Variants in PRCP observed in about 807,000 individuals in gnomAD.
PRCP encodes lysosomal Pro-X carboxypeptidase.
Under a neutral mutation model 54.2 loss-of-function variants are expected in PRCP, and 46 were observed. That is an observed-to-expected ratio of 0.85 (90% CI 0.67 to 1.09). The LOEUF (loss-of-function observed/expected upper bound fraction) is 1.09, where lower values mean the gene tolerates loss of function less well. Among genes scored for constraint, PRCP ranks in the 50% least tolerant of loss-of-function variants. PRCP has a pLI of 0.00. For missense variants in PRCP, 613 were observed against 596.8 expected, an observed-to-expected ratio of 1.03 and a Z score of -0.28; for synonymous variants, 240 against 212.2, an observed-to-expected ratio of 1.13 and a Z score of -1.14.
rs992152544 is a variant in PRCP, at chr11:82,900,220, C to G, written c.168+15G>C. The G allele has an allele frequency of 6.2e-7, 1 of 1,613,470 alleles. No individual in the cohort carries two copies. The highest frequency in any genetic ancestry group is 8.5e-7 in the Non-Finnish European group (1 of 1,179,700). Reference sequence around the variant, plus strand: ...CGGTTGGGCCTGGGACGGCGAAGCCCCCGCTCCCCCTTACCTTCTGTTGGA... The same window carrying G: ...CGGTTGGGCCTGGGACGGCGAAGCCGCCGCTCCCCCTTACCTTCTGTTGGA... On this transcript the variant is annotated intron_variant, in intron 1 of 8. Coordinates refer to ENST00000313010, the MANE Select transcript of PRCP (RefSeq NM_005040.4).
At chr11:82,869,132 G>A (rs1019440853) in intron 1 of PRCP, among the ~76,000 whole-genome samples, 2 of 151,514 alleles carry the variant, frequency 1.3e-5, no homozygotes, top group African/African-American at 4.9e-5. Flanking sequence ...AAGGTGGTAG[G>A]ATCACTTGAG....
chr11:82,897,162 C>T (rs746627617), intron 1 of PRCP, among the ~76,000 whole-genome samples: 1 of 152,182 alleles, frequency 6.6e-6, no homozygotes, highest in Non-Finnish European at 1.5e-5. Flanking sequence ...ATGTACTATC[C>T]TCTCTCTGGT....
chr11:82,829,908 A>G (rs1346495920), intron 8 of PRCP: 1 of 152,224 alleles, frequency 6.6e-6, no homozygotes, highest in African/African-American at 2.4e-5. Flanking sequence ...AGTTGATATA[A>G]ATGATTAATA....
At chr11:82,864,504 G>C (rs1859286014) in intron 1 of PRCP, among the ~76,000 whole-genome samples, 1 of 152,204 alleles carries the variant, frequency 6.6e-6, no homozygotes, top group Admixed American at 6.5e-5. Flanking sequence ...CGTCTGTGTT[G>C]CTCAACTGAA....
At chr11:82,867,705 G>A (rs1050606607) in intron 1 of PRCP, among the ~76,000 whole-genome samples, 3 of 152,034 alleles carry the variant, frequency 2.0e-5, no homozygotes, top group Non-Finnish European at 2.9e-5. Flanking sequence ...TAGTAAAGTC[G>A]GAAAGACCAT....
intron 1 of PRCP, among the ~76,000 whole-genome samples, chr11:82,895,509 G>C (rs1160965561): frequency 6.6e-6 from 1 of 152,118 alleles, no homozygotes; most frequent in Non-Finnish European, 1.5e-5. Flanking sequence ...GCTCTATCAA[G>C]TTTCTGACCC....
chr11:82,835,270 G>C (rs1192727072), intron 8 of PRCP, among the ~76,000 whole-genome samples: 1 of 152,104 alleles, frequency 6.6e-6, no homozygotes, highest in African/African-American at 2.4e-5. Flanking sequence ...TCTAATAAGA[G>C]GCCTTTTTTT....
chr11:82,860,052 G>A lies in PRCP; in HGVS notation c.234C>T (p.Tyr78=). 1 of 1,588,684 alleles carries A rather than the reference G, an allele frequency of 6.3e-7. No individual in the cohort carries two copies. The highest frequency in any genetic ancestry group is 8.6e-7 in the Non-Finnish European group (1 of 1,168,136). ...GTATTGATCCACCATTTTTCTTCCAGTATTTATCAGCTACTAGGTACCGCT... is the reference window on the plus strand; with the variant it reads ...GTATTGATCCACCATTTTTCTTCCAATATTTATCAGCTACTAGGTACCGCT... The part of the protein sequence containing the change: ...FNQRYLVADK[Y]WKKNGGSILF... The change falls in exon 2 of 9, where the codon TAC becomes TAT. Residue 78 remains tyrosine, a synonymous_variant. Coordinates refer to ENST00000313010, the MANE Select transcript of PRCP (RefSeq NM_005040.4).
chr11:82,834,167 G>C (rs1019169963), intron 8 of PRCP, among the ~76,000 whole-genome samples: 4 of 152,214 alleles, frequency 2.6e-5, no homozygotes, highest in African/African-American at 9.7e-5. Flanking sequence ...AAACCTGCCA[G>C]CATCCTCATC....
At chr11:82,862,569 C>T (rs2121184935) in intron 1 of PRCP, among the ~76,000 whole-genome samples, 1 of 151,282 alleles carries the variant, frequency 6.6e-6, no homozygotes, top group Non-Finnish European at 1.5e-5. Context: ...GATGGGACTT[C>T]CTGCACCCAG....
chr11:82,857,328 C>A lies in PRCP; in HGVS notation c.309+2649G>T, dbSNP rs182523088. On this transcript the variant is annotated intron_variant, in intron 2 of 8. Transcript: ENST00000313010. ...TTATCACAGCAATCTATGAAATAGG[C>A]ACTTTGATTACCCCCATTTTATAGA... 6.4e-4 allele frequency among the ~76,000 whole-genome samples: 98 copies of A among 152,306 alleles called. 1 individual carries two copies. The highest frequency in any genetic ancestry group is 2.2e-3 in the African/African-American group (92 of 41,562).
In PRCP at chr11:82,824,753, C is replaced by T. The variant is rs1858179646; in HGVS notation, c.*153G>A. The T allele has an allele frequency of 1.3e-6, 1 of 749,246 alleles. No homozygotes were observed. The highest frequency in any genetic ancestry group is 2.1e-6 in the Non-Finnish European group (1 of 467,996). 46.4% of individuals were successfully genotyped at this position (749,246 alleles called of 1,614,324 possible). A position where few individuals can be genotyped will look rare whatever the true frequency, so the allele number is the denominator to read the frequency against. On this transcript the variant is annotated 3_prime_UTR_variant, in exon 9 of 9. Coordinates refer to ENST00000313010, the MANE Select transcript of PRCP (RefSeq NM_005040.4). The stretch of plus-strand genomic sequence containing the variant: ...GGAAATCACATTCATGGGACACTTG[C>T]TCTTACCGTCATCACCCTCTATTCT...
chr11:82,889,272 C>A (rs557604521), intron 1 of PRCP, among the ~76,000 whole-genome samples: 5 of 151,974 alleles, frequency 3.3e-5, no homozygotes, highest in Admixed American at 2.6e-4. Flanking sequence ...GCAGGAGGTT[C>A]ACCTGAGCCC....
chr11:82,888,767 G>A (rs1859928484), intron 1 of PRCP, among the ~76,000 whole-genome samples: 1 of 152,164 alleles, frequency 6.6e-6, no homozygotes, highest in African/African-American at 2.4e-5. Context: ...TAGGATCCAA[G>A]TTTCCTTAAC....
intron 3 of PRCP, among the ~76,000 whole-genome samples, chr11:82,851,632 A>C (rs892456583): frequency 2.6e-5 from 4 of 151,794 alleles, no homozygotes; most frequent in African/African-American, 9.7e-5. Flanking sequence ...GGAAACTATA[A>C]AGTAATAGAT....
At chr11:82,876,616 A>T (rs1015095175) in intron 1 of PRCP, among the ~76,000 whole-genome samples, 1 of 152,108 alleles carries the variant, frequency 6.6e-6, no homozygotes, top group Non-Finnish European at 1.5e-5. Flanking sequence ...ACAAGATCTG[A>T]TAGGTTTATC....
At chr11:82,867,277 T>C (rs1003453147) in intron 1 of PRCP, among the ~76,000 whole-genome samples, 2 of 152,102 alleles carry the variant, frequency 1.3e-5, no homozygotes, top group African/African-American at 2.4e-5. Flanking sequence ...TCTCGAAAAA[T>C]TCTGCAGTGC....
At chr11:82,836,472 A>G (rs1858528303) in intron 8 of PRCP, 1 of 153,626 alleles carries the variant, frequency 6.5e-6, no homozygotes, top group African/African-American at 2.4e-5. Flanking sequence ...TCTGTAAACT[A>G]TTACATCAAC....
chr11:82,851,675 G>A (rs1191724487), intron 3 of PRCP, among the ~76,000 whole-genome samples: 1 of 151,800 alleles, frequency 6.6e-6, no homozygotes, highest in Admixed American at 6.6e-5. Context: ...AAGGTTTGAA[G>A]TACATCTTTA....
Sources: allele counts gnomAD v4.1 joint callset (sites outside exome capture counted in the v4.1 genomes callset), GRCh38; gene constraint gnomAD v4.1.1; transcripts MANE v1.5; gene names NCBI Gene and HGNC (gene_info 2026-07-23, HGNC 2026-07-21).